The following PCDHA9 variants were observed in gnomAD, a reference collection of about 807,000 sequenced individuals.
PCDHA9 encodes protocadherin alpha-9.
Under a neutral mutation model 62.0 loss-of-function variants are expected in PCDHA9, and 62 were observed. The observed-to-expected ratio is 1.00, with a 90% CI of 0.81 to 1.23. PCDHA9 has a LOEUF of 1.23. Among genes scored for constraint, PCDHA9 ranks in the 50% most tolerant of loss-of-function variants. PCDHA9 has a pLI of 0.00. For missense variants in PCDHA9, 1,205 were observed against 1,249.8 expected (o/e 0.96, Z 0.54); for synonymous variants, 557 against 567.6 (o/e 0.98, Z 0.27).
chr5:140,877,697 C>T (rs2057290837), intron 1 of PCDHA9: 15 of 1,613,794 alleles, frequency 9.3e-6, no homozygotes, highest in Non-Finnish European at 1.3e-5. Flanking sequence ...CTGGTGTGCT[C>T]CAGCGCCGTG....
At position 140,850,256 on chromosome 5, in the gene PCDHA9, C is replaced by T. The variant is rs2150475976; in HGVS notation, c.1761C>T (p.Ala587=). 6.9e-6 allele frequency: 11 copies of T among 1,594,032 alleles called. No individual in the cohort carries two copies. Among genetic ancestry groups the T allele is most frequent in the Admixed American group, 6.8e-5 (4 of 59,248 alleles). Residue 587 remains alanine (A), a synonymous_variant, in exon 1 of 4, where the codon GCC becomes GCT. Coordinates refer to ENST00000532602, the MANE Select transcript of PCDHA9 (RefSeq NM_031857.2). ...VSEMVLRSVG[A]GVVVGKVRAV... ...AGATGGTGCTGCGGTCGGTGGGCGC[C>T]GGCGTAGTGGTGGGGAAGGTGCGCG...
At chr5:140,969,038 A>G in intron 1 of PCDHA9, 1 of 1,614,148 alleles carries the variant, frequency 6.2e-7, no homozygotes, top group South Asian at 1.1e-5. Context: ...AGAACTGTAC[A>G]AACAAGCCAA....
intron 1 of PCDHA9, chr5:140,884,079 A>T (rs2059982825): frequency 3.1e-6 from 5 of 1,613,504 alleles, no homozygotes; most frequent in Non-Finnish European, 4.2e-6. Context: ...TCGGGCTACA[A>T]TGCGTGGCTT....
intron 1 of PCDHA9, chr5:140,853,312 G>A (rs931070085): frequency 1.0e-6 from 1 of 983,988 alleles, no homozygotes; most frequent in Non-Finnish European, 1.2e-6. Context: ...GAACACCTTA[G>A]TAATAAATTT....
chr5:141,007,275 T>C (rs1418814264), intron 3 of PCDHA9, among the ~76,000 whole-genome samples: 2 of 151,338 alleles, frequency 1.3e-5, no homozygotes, highest in Non-Finnish European at 2.9e-5. Context: ...ACAGGCTGGG[T>C]GCAGTGGGCT....
intron 1 of PCDHA9, among the ~76,000 whole-genome samples, chr5:140,976,307 T>C (rs955106939): frequency 6.6e-6 from 1 of 152,100 alleles, no homozygotes; most frequent in African/African-American, 2.4e-5. Flanking sequence ...TCCCAGCACT[T>C]TGGGAGGCCG....
intron 1 of PCDHA9, chr5:140,862,242 A>C (rs1297106167): frequency 4.7e-6 from 1 of 212,242 alleles, no homozygotes; most frequent in Non-Finnish European, 9.5e-6. Flanking sequence ...CATCAATGAT[A>C]GTGTTCCAGA....
intron 1 of PCDHA9, among the ~76,000 whole-genome samples, chr5:140,898,157 G>T (rs1455235992): frequency 2.6e-5 from 4 of 152,162 alleles, no homozygotes; most frequent in African/African-American, 7.2e-5. Flanking sequence ...CACGCTGATG[G>T]TGGTTTCTTT....
chr5:140,924,902 AAAATAAAAT>A (rs1211271652), intron 1 of PCDHA9, among the ~76,000 whole-genome samples: 3 of 39,024 alleles, frequency 7.7e-5, no homozygotes, highest in African/African-American at 2.3e-4. Context: ...CTCAAAAAAA[AAAATAAAAT>A]AAAATAAAAT....
intron 1 of PCDHA9, chr5:140,927,680 G>T: frequency 6.2e-7 from 1 of 1,614,140 alleles, no homozygotes; most frequent in Non-Finnish European, 8.5e-7. Context: ...CCAGATGAAG[G>T]GTCCAATGGG....
intron 1 of PCDHA9, among the ~76,000 whole-genome samples, chr5:140,958,973 ATTAG>A (rs2095457294): frequency 1.3e-5 from 2 of 152,038 alleles, no homozygotes; most frequent in African/African-American, 2.4e-5. Flanking sequence ...CTATTTTATT[ATTAG>A]TTATTGTTGC....
At chr5:140,941,202 C>CTTTCTTT (rs1554213921) in intron 1 of PCDHA9, among the ~76,000 whole-genome samples, 7,232 of 122,704 alleles carry the variant, frequency 0.059, 419 homozygotes, top group East Asian at 0.13. Flanking sequence ...TTTCTTTCTT[C>CTTTCTTT]CTTTCTTTCT....
At chr5:140,879,335 C>T (rs1388490473) in intron 1 of PCDHA9, among the ~76,000 whole-genome samples, 1 of 152,072 alleles carries the variant, frequency 6.6e-6, no homozygotes, top group Non-Finnish European at 1.5e-5. Context: ...TTAGTTTGTT[C>T]AGCTGAGAAG....
chr5:140,930,702 A>T (rs1359159980), intron 1 of PCDHA9, among the ~76,000 whole-genome samples: 1 of 152,234 alleles, frequency 6.6e-6, no homozygotes, highest in African/African-American at 2.4e-5. Context: ...CTTGTAAGTT[A>T]TTCTTCCTCA....
Position 140,879,462 on chromosome 5 carries a change from G to A in PCDHA9, c.2394+28573G>A, listed in dbSNP as rs927340529. 2.0e-5 allele frequency among the ~76,000 whole-genome samples: 3 copies of A among 152,180 alleles called. No individual in the cohort carries two copies. The South Asian group carries it at 6.2e-4, about 32-fold the overall frequency. ...AAAATGTTACTTTGAAGTCCTAAGAGAATACCGTTGTGATTGGAAATATGG... is the reference window on the plus strand; with the variant it reads ...AAAATGTTACTTTGAAGTCCTAAGAAAATACCGTTGTGATTGGAAATATGG... On this transcript the variant is annotated intron_variant, in intron 1 of 3. Coordinates refer to ENST00000532602, the MANE Select transcript of PCDHA9 (RefSeq NM_031857.2).
chr5:140,952,813 G>A (rs1162015418), intron 1 of PCDHA9, among the ~76,000 whole-genome samples: 1 of 152,158 alleles, frequency 6.6e-6, no homozygotes, highest in African/African-American at 2.4e-5. Context: ...TCTGCAGGCT[G>A]TACAGGAAGC....
At chr5:140,951,986 C>A (rs2094668313) in intron 1 of PCDHA9, among the ~76,000 whole-genome samples, 2 of 152,166 alleles carry the variant, frequency 1.3e-5, no homozygotes, top group African/African-American at 4.8e-5. Flanking sequence ...AAGGGAAAAA[C>A]CAGCCAAAAG....
At chr5:140,938,508 A>G (rs1563167946) in intron 1 of PCDHA9, among the ~76,000 whole-genome samples, 1 of 152,046 alleles carries the variant, frequency 6.6e-6, no homozygotes, top group African/African-American at 2.4e-5. Context: ...AATTTATCAC[A>G]TATTTTCTGT....
chr5:140,931,247 C>G (rs782447233), intron 1 of PCDHA9, among the ~76,000 whole-genome samples: 4 of 152,032 alleles, frequency 2.6e-5, no homozygotes, highest in African/African-American at 4.8e-5. Flanking sequence ...CTTTTCCTAC[C>G]AAGAAATTTC....
Sources: gnomAD v4.1 joint callset for allele counts (sites outside exome capture counted in the v4.1 genomes callset) on GRCh38, gnomAD v4.1.1 for gene constraint, MANE v1.5 for transcripts, NCBI Gene and HGNC (gene_info 2026-07-23, HGNC 2026-07-21) for gene names.